The following RHOBTB3 variants were observed in gnomAD, a reference collection of about 807,000 sequenced individuals.
RHOBTB3 encodes the protein rho-related BTB domain-containing protein 3.
Under a neutral mutation model 67.2 loss-of-function variants are expected in RHOBTB3, and 47 were observed. The observed-to-expected ratio is 0.70, with a 90% CI of 0.55 to 0.89. The LOEUF (loss-of-function observed/expected upper bound fraction) is 0.89. Among genes scored for constraint, RHOBTB3 ranks in the 40% least tolerant of loss-of-function variants. RHOBTB3 has a pLI of 0.00. For synonymous variants in RHOBTB3, 273 were observed against 274.2 expected (o/e 1.00, Z 0.04); for missense variants, 631 against 750.0 (o/e 0.84, Z 1.85).
chr5:95,747,525 A>G (rs1744957413), intron 3 of RHOBTB3, among the ~76,000 whole-genome samples: 1 of 152,242 alleles, frequency 6.6e-6, no homozygotes, highest in African/African-American at 2.4e-5. Flanking sequence ...TGGTCACGAT[A>G]CATAACAAAT....
At chr5:95,772,176 G>A (rs1468950870) in intron 8 of RHOBTB3, among the ~76,000 whole-genome samples, 1 of 152,112 alleles carries the variant, frequency 6.6e-6, no homozygotes, top group East Asian at 1.9e-4. Context: ...AACAACCTAG[G>A]GCACTGCTTT....
At chr5:95,784,061 T>A in intron 10 of RHOBTB3, 98 bp downstream of exon 10, 1 of 987,476 alleles carries the variant, frequency 1.0e-6, no homozygotes, top group Non-Finnish European at 1.4e-6. Flanking sequence ...ACGTTAATAC[T>A]AGTCTTAGTT....
intron 6 of RHOBTB3, chr5:95,756,068 C>T: frequency 3.8e-6 from 1 of 262,894 alleles, no homozygotes; most frequent in Non-Finnish European, 7.2e-6. Context: ...TAAACACATT[C>T]ATAATGTTGT....
chr5:95,737,136 T>C, intron 3 of RHOBTB3, 61 bp downstream of exon 3: 1 of 1,154,284 alleles, frequency 8.7e-7, no homozygotes, highest in Non-Finnish European at 1.2e-6. Flanking sequence ...CTTTAAATAG[T>C]GCTAAGTTTA....
Position 95,731,346 on chromosome 5 carries a change from G to T in RHOBTB3, c.-337G>T, listed in dbSNP as rs1755236440. On this transcript the variant is annotated 5_prime_UTR_variant, in exon 1 of 12. Transcript: ENST00000379982. ...AGCAGCGGCAGCGGCAGCAGGAGGC[G>T]ACAGCTGCCAGCCGAGGAGGCGCGG... 1.8e-6 allele frequency: 2 copies of T among 1,118,634 alleles called. No homozygotes were observed. Among genetic ancestry groups the T allele is most frequent in the Non-Finnish European group, 2.2e-6 (2 of 918,732 alleles). 69.3% of individuals were successfully genotyped at this position (1,118,634 alleles called of 1,614,324 possible).
Position 95,732,014 on chromosome 5 carries a change from C to T in RHOBTB3, c.158C>T (p.Pro53Leu). Reference sequence around the variant, plus strand: ...AACGCGGCCAGCACGGTCGCGCGTCCGGTGTTCACCGAGTATCAGGCCAGT... The same window carrying T: ...AACGCGGCCAGCACGGTCGCGCGTCTGGTGTTCACCGAGTATCAGGCCAGT... ...LLNAASTVAR[P>L]VFTEYQASAF... Residue 53 changes from proline to leucine, a missense_variant, in exon 2 of 12, where the codon CCG (proline) becomes CTG (leucine). Pro to Leu is a moderately conservative substitution (Grantham distance 98). Transcript: ENST00000379982. 4 of 1,614,188 alleles carry T rather than the reference C, an allele frequency of 2.5e-6. No individual in the cohort carries two copies. The highest frequency in any genetic ancestry group is 3.4e-6 in the Non-Finnish European group (4 of 1,180,050).
chr5:95,729,532 G>A (rs1189557361), upstream of RHOBTB3, among the ~76,000 whole-genome samples: 2 of 151,906 alleles, frequency 1.3e-5, no homozygotes, highest in Admixed American at 6.6e-5. Context: ...TTCAGTACAC[G>A]CTCTAGTGTT....
In RHOBTB3 at chr5:95,765,187, A is replaced by T. The variant is rs551754023; in HGVS notation, c.1161+1567A>T. Among the ~76,000 whole-genome samples, 6 of 152,304 alleles carry T rather than the reference A, an allele frequency of 3.9e-5. No homozygotes were observed. The East Asian group carries it at 1.2e-3, about 29-fold the overall frequency. ...CTCTCCCTCTCTCTCCAGTTCTCTC[A>T]TACATTCATGTGTAATATACATCTA... On this transcript the variant is annotated intron_variant, in intron 7 of 11. Coordinates refer to ENST00000379982, the MANE Select transcript of RHOBTB3 (RefSeq NM_014899.4).
At chr5:95,789,062 A>C (rs1746301817) in intron 11 of RHOBTB3, 1 of 453,456 alleles carries the variant, frequency 2.2e-6, no homozygotes, top group Non-Finnish European at 3.8e-6. Context: ...TTACACAAGA[A>C]GTTTTCTAAT....
At chr5:95,719,374 G>T (rs945000477) in intron 1 of RHOBTB3, among the ~76,000 whole-genome samples, 2 of 152,142 alleles carry the variant, frequency 1.3e-5, no homozygotes, top group Non-Finnish European at 2.9e-5. Context: ...GAAAGATTCC[G>T]CAGGAAGCAA....
At chr5:95,720,420 G>A (rs941117785) in intron 1 of RHOBTB3, among the ~76,000 whole-genome samples, 1 of 152,174 alleles carries the variant, frequency 6.6e-6, no homozygotes, top group African/African-American at 2.4e-5. Flanking sequence ...AAGGACTGAG[G>A]AATTTATATT....
At chr5:95,750,114 G>T (rs191264709) in intron 4 of RHOBTB3, among the ~76,000 whole-genome samples, 1 of 152,346 alleles carries the variant, frequency 6.6e-6, no homozygotes, top group Admixed American at 6.5e-5. Flanking sequence ...GGGATCTTGA[G>T]TGTAAAATAG....
intron 6 of RHOBTB3, among the ~76,000 whole-genome samples, chr5:95,756,990 T>C (rs1395732747): frequency 1.3e-5 from 2 of 152,212 alleles, no homozygotes; most frequent in Admixed American, 6.5e-5. Flanking sequence ...TCGGTTTGAC[T>C]CTTAGGTTTT....
intron 7 of RHOBTB3, among the ~76,000 whole-genome samples, chr5:95,765,863 C>T (rs746447153): frequency 6.6e-6 from 1 of 152,220 alleles, no homozygotes; most frequent in Middle Eastern, 3.4e-3. Flanking sequence ...GGGGTTTCAC[C>T]GTGTTAGCCA....
At chr5:95,789,233 T>G (rs1328880870) in intron 11 of RHOBTB3, 3 of 170,692 alleles carry the variant, frequency 1.8e-5, no homozygotes, top group Non-Finnish European at 3.7e-5. Context: ...GATTTAAAAA[T>G]TTTTTATAAA....
At chr5:95,747,432 T>G (rs1043031715) in intron 3 of RHOBTB3, among the ~76,000 whole-genome samples, 2 of 152,234 alleles carry the variant, frequency 1.3e-5, no homozygotes, top group African/African-American at 4.8e-5. Flanking sequence ...GGGAAGCCAA[T>G]CTACAACAAC....
At position 95,752,306 on chromosome 5, in the gene RHOBTB3, GC is replaced by G. The variant is rs1156289443; in HGVS notation, c.639del (p.Ser213ArgfsTer21). 4 of 1,607,696 alleles carry G rather than the reference GC, an allele frequency of 2.5e-6. No individual in the cohort carries two copies. Among genetic ancestry groups the G allele is most frequent in the Non-Finnish European group, 3.4e-6 (4 of 1,177,746 alleles). On this transcript the variant is annotated frameshift_variant, in exon 5 of 12. Transcript: ENST00000379982. LOFTEE classifies it high-confidence loss of function. ...GAAAAAATGAAGAAAAGAAAAATGA[GC>G]AACTCCTTTCATGGAATTAGACCAC... ...TSEKMKKRKM[S>X]NSFHGIRPPQ... is the part of the protein sequence containing the mutation.
At chr5:95,784,943 A>C (rs1385268403) in intron 10 of RHOBTB3, among the ~76,000 whole-genome samples, 1 of 152,202 alleles carries the variant, frequency 6.6e-6, no homozygotes, top group Non-Finnish European at 1.5e-5. Context: ...TTTCACAGGA[A>C]TATATTTGTT....
chr5:95,778,197 C>T (rs148230968), intron 8 of RHOBTB3, among the ~76,000 whole-genome samples: 28 of 151,904 alleles, frequency 1.8e-4, no homozygotes, highest in African/African-American at 4.8e-4. Flanking sequence ...TACCCAGATC[C>T]GCTACGCTCA....
Sources: gnomAD v4.1 joint callset for allele counts (sites outside exome capture counted in the v4.1 genomes callset) on GRCh38, gnomAD v4.1.1 for gene constraint, MANE v1.5 for transcripts, NCBI Gene and HGNC (gene_info 2026-07-23, HGNC 2026-07-21) for gene names.